Variants in NRG3 observed in about 807,000 individuals in gnomAD.
The protein encoded by NRG3 is neuregulin 3.
Under a neutral mutation model 66.9 loss-of-function variants are expected in NRG3, and 31 were observed. The observed-to-expected ratio is 0.46, with a 90% CI of 0.35 to 0.63. The LOEUF is 0.63. NRG3 is among the 20% of genes least tolerant of loss of function. The probability of loss-of-function intolerance (pLI) is 0.00; values close to 1 mark genes in which losing one functional copy is unlikely to be tolerated. For synonymous variants in NRG3, 393 were observed against 359.4 expected, an observed-to-expected ratio of 1.09 and a Z score of -1.06; for missense variants, 910 against 878.9, an observed-to-expected ratio of 1.04 and a Z score of -0.45.
chr10:82,075,891 A>C (rs143118538), intron 1 of NRG3, among the ~76,000 whole-genome samples: 115 of 151,940 alleles, frequency 7.6e-4, no homozygotes, highest in African/African-American at 2.6e-3. Context: ...CATTGGAATT[A>C]TGGAGGGAGA....
intron 1 of NRG3, among the ~76,000 whole-genome samples, chr10:82,007,600 C>T (rs1016773322): frequency 2.0e-5 from 3 of 152,058 alleles, no homozygotes; most frequent in African/African-American, 4.8e-5. Flanking sequence ...TAATTTTATC[C>T]ATTATAATCA....
chr10:82,776,033 A>G (rs527304908), intron 3 of NRG3, among the ~76,000 whole-genome samples: 1 of 152,262 alleles, frequency 6.6e-6, no homozygotes, highest in African/African-American at 2.4e-5. Context: ...AGTGAGTTTT[A>G]TACTTTTATA....
chr10:82,330,561 A>G (rs959669603), intron 1 of NRG3, among the ~76,000 whole-genome samples: 3 of 152,214 alleles, frequency 2.0e-5, no homozygotes, highest in Admixed American at 2.0e-4. Flanking sequence ...ATATGGCAAT[A>G]CAGATATTTG....
chr10:82,132,579 G>A (rs112836813), intron 1 of NRG3, among the ~76,000 whole-genome samples: 4 of 78,416 alleles, frequency 5.1e-5, no homozygotes, highest in Non-Finnish European at 1.2e-4. Context: ...AGAGTAATAC[G>A]GGCCTAATAG....
chr10:82,957,149 C>T lies in NRG3; in HGVS notation c.1158-1800C>T, dbSNP rs1046956648. ...CAAGACTGAGCTTGCTTGATGGTAT[C>T]GGGAAAGATATGAACATTTTGCGTG... On this transcript the variant is annotated intron_variant, in intron 5 of 8. Coordinates refer to ENST00000372141, the MANE Select transcript of NRG3 (RefSeq NM_001010848.4). Among the ~76,000 whole-genome samples the T allele has an allele frequency of 9.9e-5, 15 of 151,888 alleles. 1 individual carries two copies. The highest frequency in any genetic ancestry group is 2.9e-4 in the African/African-American group (12 of 41,174).
intron 3 of NRG3, among the ~76,000 whole-genome samples, chr10:82,854,805 A>G (rs1278146759): frequency 1.3e-5 from 2 of 152,210 alleles, no homozygotes; most frequent in African/African-American, 4.8e-5. Flanking sequence ...TAGGGTCTCA[A>G]CTTGCCTTCT....
intron 1 of NRG3, among the ~76,000 whole-genome samples, chr10:82,249,719 G>T (rs1256689308): frequency 1.3e-5 from 2 of 152,252 alleles, no homozygotes; most frequent in Admixed American, 1.3e-4. Flanking sequence ...AAAATTGAGA[G>T]GCATGCTTAT....
At chr10:82,621,859 C>T (rs1359282862) in intron 2 of NRG3, among the ~76,000 whole-genome samples, 1 of 152,212 alleles carries the variant, frequency 6.6e-6, no homozygotes, top group Non-Finnish European at 1.5e-5. Context: ...TCACACTTCT[C>T]AAGTGTCTGT....
intron 3 of NRG3, among the ~76,000 whole-genome samples, chr10:82,843,747 T>C (rs550996044): frequency 2.2e-3 from 334 of 152,168 alleles, no homozygotes; most frequent in Non-Finnish European, 3.0e-3. Context: ...ATCAAATGCA[T>C]TTAAAAAAAT....
chr10:82,729,982 C>T (rs950370291), intron 2 of NRG3, among the ~76,000 whole-genome samples: 6 of 152,048 alleles, frequency 3.9e-5, no homozygotes, highest in African/African-American at 1.2e-4. Flanking sequence ...TTTAAATTCA[C>T]ACGTAAAAAC....
At chr10:82,779,005 G>C (rs2060015395) in intron 3 of NRG3, among the ~76,000 whole-genome samples, 1 of 152,098 alleles carries the variant, frequency 6.6e-6, no homozygotes, top group African/African-American at 2.4e-5. Context: ...GTGGTGTAAT[G>C]GTAGTAGAGT....
chr10:82,412,600 GACA>G (rs548728751), intron 2 of NRG3, among the ~76,000 whole-genome samples: 177 of 152,232 alleles, frequency 1.2e-3, no homozygotes, highest in African/African-American at 4.2e-3. Flanking sequence ...CTTAAAATAA[GACA>G]ACAATGAAGT....
intron 4 of NRG3, among the ~76,000 whole-genome samples, chr10:82,941,078 C>G (rs559459112): frequency 6.6e-6 from 1 of 152,220 alleles, no homozygotes; most frequent in African/African-American, 2.4e-5. Context: ...TTTAGTACCT[C>G]CTGGTCATCT....
rs5786531 is a variant in NRG3, at chr10:82,110,604, GTT to G, written c.823+234449_823+234450del. Among the ~76,000 whole-genome samples, 21 of 151,584 alleles carry G rather than the reference GTT, an allele frequency of 1.4e-4. No individual in the cohort carries two copies. In the East Asian group the frequency reaches 3.7e-3, roughly 27 times the overall value. On this transcript the variant is annotated intron_variant, in intron 1 of 8. Transcript: ENST00000372141. The stretch of plus-strand genomic sequence containing the variant: ...AGGAAAGTAGTCAGATATTAATATA[GTT>G]TTTTTTTAATAAGTGAGATTTTGTT...
intron 2 of NRG3, among the ~76,000 whole-genome samples, chr10:82,633,374 A>G (rs1246119865): frequency 6.6e-6 from 1 of 152,196 alleles, no homozygotes; most frequent in African/African-American, 2.4e-5. Flanking sequence ...AAAGAAGGGG[A>G]GACTAAGTTC....
Position 82,048,940 on chromosome 10 carries a change from T to C in NRG3, c.823+172777T>C, listed in dbSNP as rs558943182. On this transcript the variant is annotated intron_variant, in intron 1 of 8. Transcript: ENST00000372141. ...GATATCACCAGCGATCCCACAGAAA[T>C]ACAAACTACCAACAGAGAATACTAC... Among the ~76,000 whole-genome samples, 226 of 152,102 alleles carry C rather than the reference T, an allele frequency of 1.5e-3. 1 individual carries two copies. In the Middle Eastern group the frequency reaches 0.02, roughly 14 times the overall value.
intron 1 of NRG3, among the ~76,000 whole-genome samples, chr10:82,150,839 C>A (rs2070691997): frequency 1.3e-5 from 2 of 152,104 alleles, no homozygotes; most frequent in Non-Finnish European, 2.9e-5. Flanking sequence ...AGGACATTTT[C>A]TGTGTCCTTT....
At chr10:82,281,164 A>G (rs527732541) in intron 1 of NRG3, among the ~76,000 whole-genome samples, 7 of 152,278 alleles carry the variant, frequency 4.6e-5, no homozygotes, top group African/African-American at 1.7e-4. Context: ...AATAGATCAT[A>G]TGGCTTATTT....
intron 1 of NRG3, among the ~76,000 whole-genome samples, chr10:81,898,258 C>A (rs7905674): frequency 0.013 from 1,921 of 152,310 alleles, 43 homozygotes; most frequent in African/African-American, 0.043. Flanking sequence ...AATCACAAGA[C>A]CCCTGCCAGC....
Sources: gnomAD v4.1 joint callset for allele counts (sites outside exome capture counted in the v4.1 genomes callset) on GRCh38, gnomAD v4.1.1 for gene constraint, MANE v1.5 for transcripts, NCBI Gene and HGNC (gene_info 2026-07-23, HGNC 2026-07-21) for gene names.